ELP4: variants seen among roughly 807,000 people sequenced by gnomAD.
ELP4 encodes elongator acetyltransferase complex subunit 4, also known as elongator complex protein 4.
Under a neutral mutation model 48.9 loss-of-function variants are expected in ELP4, and 51 were observed. The observed-to-expected ratio is 1.04, with a 90% CI of 0.83 to 1.32. The LOEUF (loss-of-function observed/expected upper bound fraction) is 1.32. Among genes scored for constraint, ELP4 ranks in the 40% most tolerant of loss-of-function variants. ELP4 has a pLI of 0.00. For synonymous variants in ELP4, 210 were observed against 189.2 expected (o/e 1.11, Z -0.90); for missense variants, 519 against 514.6 (o/e 1.01, Z -0.08).
At chr11:31,543,617 G>A (rs1051201879) in intron 3 of ELP4, among the ~76,000 whole-genome samples, 4 of 152,130 alleles carry the variant, frequency 2.6e-5, no homozygotes, top group East Asian at 1.9e-4. Flanking sequence ...AAGTCCTGAA[G>A]AAAACAACAT....
At chr11:31,605,105 C>T (rs1289664091) in intron 5 of ELP4, among the ~76,000 whole-genome samples, 1 of 151,828 alleles carries the variant, frequency 6.6e-6, no homozygotes, top group African/African-American at 2.4e-5. Context: ...TTCTTTTTTG[C>T]TTCACTGCTT....
At chr11:31,613,063 C>G (rs1031737403) in intron 5 of ELP4, among the ~76,000 whole-genome samples, 11 of 152,034 alleles carry the variant, frequency 7.2e-5, no homozygotes, top group Non-Finnish European at 5.9e-5. Flanking sequence ...GGCACTGTGG[C>G]TTTTATTAGG....
chr11:31,697,287 T>G (rs535932173), intron 9 of ELP4, among the ~76,000 whole-genome samples: 1 of 152,278 alleles, frequency 6.6e-6, no homozygotes, highest in African/African-American at 2.4e-5. Context: ...CCATTTCCAG[T>G]AGGATAATAA....
intron 3 of ELP4, among the ~76,000 whole-genome samples, chr11:31,561,590 C>T (rs888501466): frequency 1.3e-5 from 2 of 151,954 alleles, no homozygotes; most frequent in African/African-American, 4.8e-5. Context: ...ATTACAGGCT[C>T]CCGCCGCCAC....
At chr11:31,614,015 C>A (rs1565079754) in intron 5 of ELP4, among the ~76,000 whole-genome samples, 1 of 151,962 alleles carries the variant, frequency 6.6e-6, no homozygotes, top group South Asian at 2.1e-4. Context: ...CTGGCCTGAA[C>A]ACTTGAGTCA....
At chr11:31,763,301 T>C (rs1013608984) in intron 9 of ELP4, 4 of 980,224 alleles carry the variant, frequency 4.1e-6, no homozygotes, top group East Asian at 5.5e-5. Flanking sequence ...TTTAAAAAGA[T>C]ACACAATTGA....
intron 9 of ELP4, among the ~76,000 whole-genome samples, chr11:31,751,100 A>G (rs930994791): frequency 2.0e-5 from 3 of 152,246 alleles, no homozygotes; most frequent in African/African-American, 7.2e-5. Flanking sequence ...TAAGTCCTAG[A>G]GAAGTACATA....
intron 1 of ELP4, among the ~76,000 whole-genome samples, chr11:31,513,922 A>G (rs1334508173): frequency 6.6e-6 from 1 of 152,152 alleles, no homozygotes; most frequent in African/African-American, 2.4e-5. Flanking sequence ...AAAATATGTG[A>G]AATCTTGATG....
At chr11:31,574,435 G>C (rs1393590325) in intron 3 of ELP4, among the ~76,000 whole-genome samples, 1 of 152,196 alleles carries the variant, frequency 6.6e-6, no homozygotes, top group Non-Finnish European at 1.5e-5. Context: ...TGAGAGAGTA[G>C]TCGTTCTCCC....
chr11:31,572,676 A>C (rs1186666023), intron 3 of ELP4, among the ~76,000 whole-genome samples: 1 of 152,004 alleles, frequency 6.6e-6, no homozygotes, highest in Non-Finnish European at 1.5e-5. Context: ...GTCCCTTTTT[A>C]TGTTGCTGAA....
At chr11:31,533,109 C>T (rs1956426687) in intron 2 of ELP4, among the ~76,000 whole-genome samples, 2 of 152,082 alleles carry the variant, frequency 1.3e-5, no homozygotes, top group East Asian at 1.9e-4. Flanking sequence ...ATATATTGCA[C>T]AGTGGTGAAG....
chr11:31,741,908 C>T (rs151208575), intron 9 of ELP4, among the ~76,000 whole-genome samples: 2 of 152,138 alleles, frequency 1.3e-5, no homozygotes, highest in African/African-American at 4.8e-5. Flanking sequence ...ATGACTCTGA[C>T]GAGTTGAGAG....
chr11:31,564,792 G>C (rs1447387735), intron 3 of ELP4, among the ~76,000 whole-genome samples: 1 of 152,060 alleles, frequency 6.6e-6, no homozygotes, highest in Non-Finnish European at 1.5e-5. Context: ...TGGACATTTG[G>C]GTTGGTTCCA....
At chr11:31,613,853 C>T (rs760662896) in intron 5 of ELP4, among the ~76,000 whole-genome samples, 2 of 151,304 alleles carry the variant, frequency 1.3e-5, no homozygotes, top group African/African-American at 4.9e-5. Context: ...GGATTACAGG[C>T]GCACACCACC....
intron 9 of ELP4, among the ~76,000 whole-genome samples, chr11:31,668,488 CTTT>C (rs754925129): frequency 2.1e-5 from 3 of 141,064 alleles, no homozygotes; most frequent in African/African-American, 2.6e-5. Context: ...TGTTGTAATT[CTTT>C]TTTTTTTTTT....
In ELP4 at chr11:31,713,662, C is replaced by T. The variant is rs1946785763; in HGVS notation, c.1143+63441C>T. 1.3e-5 allele frequency among the ~76,000 whole-genome samples: 2 copies of T among 152,068 alleles called. 1 individual carries two copies. The highest frequency in any genetic ancestry group is 4.1e-4 in the South Asian group (2 of 4,830). Reference sequence around the variant, plus strand: ...GTAACTTTAGAGGTAAACTCAATTCCACCAACCTTACAGTGTTAGGCAAGG... The same window carrying T: ...GTAACTTTAGAGGTAAACTCAATTCTACCAACCTTACAGTGTTAGGCAAGG... On this transcript the variant is annotated intron_variant, in intron 9 of 9. Coordinates refer to ENST00000640961, the MANE Select transcript of ELP4 (RefSeq NM_019040.5).
At chr11:31,759,630 C>T (rs958706333) in intron 9 of ELP4, among the ~76,000 whole-genome samples, 1 of 152,322 alleles carries the variant, frequency 6.6e-6, no homozygotes, top group Admixed American at 6.5e-5. Flanking sequence ...GGCTTATTTT[C>T]ACACACTAAT....
At chr11:31,519,012 A>G (rs1956166739) in intron 1 of ELP4, among the ~76,000 whole-genome samples, 2 of 151,672 alleles carry the variant, frequency 1.3e-5, no homozygotes, top group Admixed American at 6.6e-5. Flanking sequence ...ACAGGGTTTC[A>G]CCATGTTGTC....
chr11:31,650,130 G>A lies in ELP4; in HGVS notation c.1052G>A (p.Arg351Gln), dbSNP rs199816690. Residue 351 changes from arginine to glutamine, a missense_variant, in exon 9 of 10, where the codon CGG becomes CAG. By Grantham distance (43) the Arg-to-Gln change is conservative. Transcript: ENST00000640961. ...YKDYHGLIHIRQIPRLNNLIC... is the reference protein window; with the variant it reads ...YKDYHGLIHIQQIPRLNNLIC... ...TTTCCACAAGGATTGATTCATATAC[G>A]GCAGATTCCTCGGCTTAATAACTTG... 2.4e-4 allele frequency: 343 copies of A among 1,455,854 alleles called. 1 individual carries two copies. Among genetic ancestry groups the A allele is most frequent in the Non-Finnish European group, 1.3e-4 (135 of 1,047,828 alleles). The allele number at this position is 1,455,854 out of a possible 1,614,324, so 90.2% of individuals were successfully genotyped here. A position where few individuals can be genotyped will look rare whatever the true frequency, so the allele number is the denominator to read the frequency against.
Sources: gnomAD v4.1 joint callset for allele counts (sites outside exome capture counted in the v4.1 genomes callset) on GRCh38, gnomAD v4.1.1 for gene constraint, MANE v1.5 for transcripts, NCBI Gene and HGNC (gene_info 2026-07-23, HGNC 2026-07-21) for gene names.